The following SH3KBP1 variants were observed in gnomAD, a reference collection of about 807,000 sequenced individuals.
The protein encoded by SH3KBP1 is SH3 domain-containing kinase-binding protein 1.
A neutral mutation model predicts 50.1 loss-of-function variants in SH3KBP1; 8 were observed. The ratio of observed to expected loss-of-function variants is 0.16; its 90% CI spans 0.09 to 0.29. The LOEUF (loss-of-function observed/expected upper bound fraction) is 0.29. Ranked by LOEUF, SH3KBP1 falls within the 10% of genes least tolerant of loss-of-function variation. SH3KBP1 has a pLI of 1.00. For missense variants in SH3KBP1, 377 were observed against 535.2 expected, an observed-to-expected ratio of 0.70 and a Z score of 2.92; for synonymous variants, 227 against 218.6, an observed-to-expected ratio of 1.04 and a Z score of -0.34.
At chrX:19,881,905 T>C (rs945347748) in intron 1 of SH3KBP1, among the ~76,000 whole-genome samples, 1 of 111,445 alleles carries the variant, frequency 9.0e-6, no homozygotes, top group Non-Finnish European at 1.9e-5. Context: ...CCTGAGACCA[T>C]GTACTTCGTG....
intron 8 of SH3KBP1, among the ~76,000 whole-genome samples, chrX:19,623,644 A>AT (rs746323866): frequency 8.9e-6 from 1 of 112,522 alleles, no homozygotes; most frequent in Non-Finnish European, 1.9e-5. Flanking sequence ...AGATCACGCC[A>AT]TTGCACTCCA....
At chrX:19,864,324 A>C (rs1269679548) in intron 1 of SH3KBP1, among the ~76,000 whole-genome samples, 2 of 109,211 alleles carry the variant, frequency 1.8e-5, no homozygotes, top group East Asian at 5.7e-4. Flanking sequence ...ACACCCCCCC[A>C]CCCCCTGCAA....
intron 4 of SH3KBP1, among the ~76,000 whole-genome samples, chrX:19,696,135 T>C (rs1011459053): frequency 8.9e-6 from 1 of 111,834 alleles, no homozygotes; most frequent in Non-Finnish European, 1.9e-5. Flanking sequence ...AAATATCGTA[T>C]GTGCTCATTG....
intron 4 of SH3KBP1, among the ~76,000 whole-genome samples, chrX:19,696,360 C>T (rs920213675): frequency 4.5e-5 from 5 of 111,833 alleles, no homozygotes; most frequent in African/African-American, 1.6e-4. Context: ...CCCAGACTAC[C>T]AAACTAACTA....
At chrX:19,776,033 C>A (rs1393831784) in intron 2 of SH3KBP1, among the ~76,000 whole-genome samples, 1 of 111,497 alleles carries the variant, frequency 9.0e-6, no homozygotes, top group African/African-American at 3.3e-5. Context: ...ATATTTAGCA[C>A]AAATGTGACT....
At chrX:19,739,568 CCTT>C (rs2064706632) in intron 3 of SH3KBP1, among the ~76,000 whole-genome samples, 1 of 108,099 alleles carries the variant, frequency 9.3e-6, no homozygotes, top group East Asian at 2.9e-4. Flanking sequence ...CTATGGGAGT[CCTT>C]TTTTTTTTTT....
In SH3KBP1 at chrX:19,746,516, C is replaced by T. The variant is rs944168019; in HGVS notation, c.163-75G>A. 8.0e-6 allele frequency: 8 copies of T among 998,668 alleles called. No homozygotes were observed. In the Admixed American group the frequency reaches 1.9e-4, roughly 24 times the overall value. The allele number at this position is 998,668 out of a possible 1,213,427, so 82.3% of individuals were successfully genotyped here. ...ATGCCTCTTGGACTATCTTAAGCTC[C>T]ATCTTTCTGGAAATGAACTATAGCA... On this transcript the variant is annotated intron_variant, in intron 2 of 17. Coordinates refer to ENST00000397821, the MANE Select transcript of SH3KBP1 (RefSeq NM_031892.3).
At chrX:19,825,946 C>G (rs2147361750) in intron 2 of SH3KBP1, among the ~76,000 whole-genome samples, 1 of 112,002 alleles carries the variant, frequency 8.9e-6, no homozygotes, top group African/African-American at 3.2e-5. Context: ...AAGGGCTCAA[C>G]AAATTTTAGT....
chrX:19,707,644 T>C (rs1212357283), intron 3 of SH3KBP1, among the ~76,000 whole-genome samples: 1 of 111,283 alleles, frequency 9.0e-6, no homozygotes, highest in Non-Finnish European at 1.9e-5. Context: ...CAAATCAAGA[T>C]AAGAGCCAGG....
At chrX:19,570,984 T>G (rs2065990561) in intron 12 of SH3KBP1, among the ~76,000 whole-genome samples, 1 of 111,747 alleles carries the variant, frequency 8.9e-6, no homozygotes, top group South Asian at 3.7e-4. Flanking sequence ...TGGGCGCATT[T>G]GGCACAACAT....
In SH3KBP1 at chrX:19,671,136, C is replaced by T. The variant is rs1290431381; in HGVS notation, c.726+12687G>A. On this transcript the variant is annotated intron_variant, in intron 6 of 17. Coordinates refer to ENST00000397821, the MANE Select transcript of SH3KBP1 (RefSeq NM_031892.3). ...GCAATCTGGGCTCCCTCCTGGGGCC[C>T]CCAGGTGTGACCATTCGGACAAGGA... 5 of 548,383 alleles carry T rather than the reference C, an allele frequency of 9.1e-6. No individual in the cohort carries two copies. In the Admixed American group the frequency reaches 2.4e-4, roughly 26 times the overall value. The allele number at this position is 548,383 out of a possible 1,213,427, so 45.2% of individuals were successfully genotyped here. A position where few individuals can be genotyped will look rare whatever the true frequency, so the allele number is the denominator to read the frequency against.
chrX:19,719,383 G>A (rs1055823814), intron 3 of SH3KBP1, among the ~76,000 whole-genome samples: 1 of 111,340 alleles, frequency 9.0e-6, no homozygotes, highest in Non-Finnish European at 1.9e-5. Context: ...AGAAGTCACT[G>A]AAAACTGTCT....
At chrX:19,796,433 C>T (rs1440953612) in intron 2 of SH3KBP1, among the ~76,000 whole-genome samples, 1 of 111,993 alleles carries the variant, frequency 8.9e-6, no homozygotes, top group African/African-American at 3.2e-5. Context: ...ATGGTCCCTA[C>T]CCCCACTGCC....
intron 2 of SH3KBP1, among the ~76,000 whole-genome samples, chrX:19,818,214 T>G (rs1354387020): frequency 8.9e-6 from 1 of 112,242 alleles, no homozygotes; most frequent in Non-Finnish European, 1.9e-5. Flanking sequence ...TGGCATTGTG[T>G]TTTTAATTTC....
intron 2 of SH3KBP1, among the ~76,000 whole-genome samples, chrX:19,796,685 G>A (rs756814051): frequency 1.6e-3 from 178 of 112,398 alleles, no homozygotes; most frequent in Non-Finnish European, 2.5e-3. Flanking sequence ...GGTGGAGAAA[G>A]GCAGAAAGGG....
chrX:19,842,886 C>T (rs1170289321), intron 1 of SH3KBP1, among the ~76,000 whole-genome samples: 1 of 111,056 alleles, frequency 9.0e-6, no homozygotes, highest in African/African-American at 3.3e-5. Flanking sequence ...CCTCTAGCTT[C>T]TCCTTCCACC....
chrX:19,750,270 G>A (rs1056504807), intron 2 of SH3KBP1, among the ~76,000 whole-genome samples: 2 of 111,724 alleles, frequency 1.8e-5, no homozygotes, highest in Non-Finnish European at 3.8e-5. Context: ...ATGTTGGCCA[G>A]ACTGGTCTCA....
chrX:19,852,820 G>A (rs925119290), intron 1 of SH3KBP1, among the ~76,000 whole-genome samples: 1 of 110,973 alleles, frequency 9.0e-6, no homozygotes, highest in Non-Finnish European at 1.9e-5. Context: ...GCGGGGACAG[G>A]GTCACCATGC....
intron 8 of SH3KBP1, among the ~76,000 whole-genome samples, chrX:19,619,506 T>C (rs916046484): frequency 9.0e-6 from 1 of 111,505 alleles, no homozygotes; most frequent in Admixed American, 9.5e-5. Flanking sequence ...AAGTATGTGG[T>C]TGGGTGCAGT....
Sources: allele counts gnomAD v4.1 joint callset (sites outside exome capture counted in the v4.1 genomes callset), GRCh38; gene constraint gnomAD v4.1.1; transcripts MANE v1.5; gene names NCBI Gene and HGNC (gene_info 2026-07-23, HGNC 2026-07-21).